SLC9A9: variants seen among roughly 807,000 people sequenced by gnomAD.
The protein encoded by SLC9A9 is sodium/hydrogen exchanger 9.
SLC9A9 carries 62 observed loss-of-function variants against 77.8 expected under a neutral mutation model. The observed-to-expected ratio is 0.80, with a 90% CI of 0.65 to 0.98. The LOEUF (loss-of-function observed/expected upper bound fraction) is 0.98, where lower values mean the gene tolerates loss of function less well. SLC9A9 is among the 50% of genes least tolerant of loss of function. The probability of loss-of-function intolerance (pLI) is 0.00; values close to 1 mark genes in which losing one functional copy is unlikely to be tolerated. For synonymous variants in SLC9A9, 320 were observed against 283.5 expected, an observed-to-expected ratio of 1.13 and a Z score of -1.29; for missense variants, 775 against 774.9, an observed-to-expected ratio of 1.00 and a Z score of 0.00.
intron 12 of SLC9A9, among the ~76,000 whole-genome samples, chr3:143,425,847 C>A (rs1169009384): frequency 1.3e-5 from 2 of 152,126 alleles, no homozygotes; most frequent in Non-Finnish European, 2.9e-5. Flanking sequence ...GCTAACATGA[C>A]AAGATATGCT....
intron 14 of SLC9A9, among the ~76,000 whole-genome samples, chr3:143,351,854 C>T (rs540724186): frequency 9.9e-4 from 150 of 152,148 alleles, no homozygotes; most frequent in Non-Finnish European, 1.6e-3. Flanking sequence ...TGCAAAGTGC[C>T]TGTACAATTA....
At chr3:143,725,256 G>A (rs1049090744) in intron 4 of SLC9A9, among the ~76,000 whole-genome samples, 2 of 152,120 alleles carry the variant, frequency 1.3e-5, no homozygotes, top group Non-Finnish European at 2.9e-5. Flanking sequence ...GAAAGGATGT[G>A]GAGAAATAGG....
In SLC9A9 at chr3:143,574,199, G is replaced by A. The variant is rs1305617953; in HGVS notation, c.895-6C>T. On this transcript the variant is annotated splice_region_variant and splice_polypyrimidine_tract_variant and intron_variant, in intron 7 of 15. Transcript: ENST00000316549. ...AGCTTGGTAAATTTGGTCAAGTGAG[G>A]AAGATAAGTTAAGGGAAACAACAAC... 1 of 1,610,172 alleles carries A rather than the reference G, an allele frequency of 6.2e-7. No individual in the cohort carries two copies. Among genetic ancestry groups the A allele is most frequent in the Admixed American group, 1.7e-5 (1 of 59,936 alleles).
At chr3:143,512,626 C>G (rs2036135057) in intron 9 of SLC9A9, among the ~76,000 whole-genome samples, 1 of 152,178 alleles carries the variant, frequency 6.6e-6, no homozygotes, top group Admixed American at 6.5e-5. Flanking sequence ...GCCTGTAATC[C>G]CAGCACTTTG....
At chr3:143,452,017 C>CTTG in intron 12 of SLC9A9, among the ~76,000 whole-genome samples, 1 of 151,806 alleles carries the variant, frequency 6.6e-6, no homozygotes, top group African/African-American at 2.4e-5. Flanking sequence ...ATTTGAGTAA[C>CTTG]ATAATCAAGA....
intron 9 of SLC9A9, among the ~76,000 whole-genome samples, chr3:143,516,371 G>C (rs1325003313): frequency 6.6e-6 from 1 of 150,938 alleles, no homozygotes; most frequent in Non-Finnish European, 1.5e-5. Context: ...TTTATTTTTT[G>C]CTAAATTCTG....
intron 14 of SLC9A9, among the ~76,000 whole-genome samples, chr3:143,313,638 CAT>C (rs2108439588): frequency 6.6e-6 from 1 of 152,356 alleles, no homozygotes; most frequent in South Asian, 2.1e-4. Flanking sequence ...TTCCATTCTG[CAT>C]ATAGAAATAC....
intron 14 of SLC9A9, among the ~76,000 whole-genome samples, chr3:143,296,426 T>C (rs1479118160): frequency 6.6e-6 from 1 of 152,232 alleles, no homozygotes; most frequent in Non-Finnish European, 1.5e-5. Context: ...TAATATTGCA[T>C]TGTATGTATA....
intron 12 of SLC9A9, among the ~76,000 whole-genome samples, chr3:143,412,610 G>T (rs945750494): frequency 6.6e-6 from 1 of 152,106 alleles, no homozygotes; most frequent in Non-Finnish European, 1.5e-5. Flanking sequence ...CCCTGTCTCT[G>T]ACTTTTGGAA....
intron 6 of SLC9A9, 149 bp from the exon 7 acceptor site, chr3:143,578,872 A>G: frequency 1.1e-6 from 1 of 929,106 alleles, no homozygotes; most frequent in Non-Finnish European, 1.7e-6. Context: ...AGAAGGGGAG[A>G]GTTGGAGAAT....
chr3:143,313,143 C>CCTA (rs2031082878), intron 14 of SLC9A9: 1 of 152,192 alleles, frequency 6.6e-6, no homozygotes, highest in African/African-American at 2.4e-5. Context: ...TCAAATTAAC[C>CCTA]CTCATGGAGT....
chr3:143,633,732 C>T (rs1214362338), intron 6 of SLC9A9, among the ~76,000 whole-genome samples: 2 of 152,124 alleles, frequency 1.3e-5, no homozygotes, highest in Non-Finnish European at 2.9e-5. Context: ...CACACAAGAT[C>T]TATAAAATAC....
At chr3:143,671,035 C>T (rs964431661) in intron 5 of SLC9A9, among the ~76,000 whole-genome samples, 3 of 152,148 alleles carry the variant, frequency 2.0e-5, no homozygotes, top group Non-Finnish European at 2.9e-5. Flanking sequence ...CTGCCACTTA[C>T]GAGCCTTGTA....
chr3:143,827,895 C>T (rs1005533512), intron 2 of SLC9A9, among the ~76,000 whole-genome samples: 2 of 152,196 alleles, frequency 1.3e-5, no homozygotes, highest in East Asian at 1.9e-4. Flanking sequence ...TCTGCTGAGC[C>T]GGACTTCTTC....
rs111333841 is a variant in SLC9A9 at position 143,841,017 on chromosome 3, C to T, written c.175+7131G>A. On this transcript the variant is annotated intron_variant, in intron 1 of 15. Coordinates refer to ENST00000316549, the MANE Select transcript of SLC9A9 (RefSeq NM_173653.4). ...TAAGGTACCATCATCTGGCACGGAG[C>T]GAACAGTTAATTAAAAAACAGCAAT... Among the ~76,000 whole-genome samples, 908 of 152,118 alleles carry T rather than the reference C, an allele frequency of 6.0e-3. 5 individuals are homozygous for T. Among genetic ancestry groups the T allele is most frequent in the African/African-American group, 0.02 (839 of 41,510 alleles).
intron 8 of SLC9A9, among the ~76,000 whole-genome samples, chr3:143,572,322 T>TGCGC (rs4025526): frequency 2.7e-5 from 4 of 148,874 alleles, no homozygotes; most frequent in Admixed American, 2.0e-4. Flanking sequence ...TGTGTGTGTG[T>TGCGC]GCGCGTGTGT....
At chr3:143,794,068 T>A (rs185337713) in intron 4 of SLC9A9, among the ~76,000 whole-genome samples, 11 of 152,280 alleles carry the variant, frequency 7.2e-5, no homozygotes, top group Admixed American at 2.6e-4. Context: ...CAAAAGAAAT[T>A]TAGCAGTGCA....
intron 8 of SLC9A9, among the ~76,000 whole-genome samples, chr3:143,570,625 G>A (rs2037241595): frequency 6.6e-6 from 1 of 152,060 alleles, no homozygotes; most frequent in Non-Finnish European, 1.5e-5. Context: ...ATATGATGGA[G>A]TATTCAATGT....
chr3:143,419,299 A>G (rs2034254165), intron 12 of SLC9A9, among the ~76,000 whole-genome samples: 1 of 152,096 alleles, frequency 6.6e-6, no homozygotes, highest in Admixed American at 6.6e-5. Flanking sequence ...CCCATTTTGC[A>G]GGGGGGGCAC....
Sources: gnomAD v4.1 joint callset for allele counts (sites outside exome capture counted in the v4.1 genomes callset) on GRCh38, gnomAD v4.1.1 for gene constraint, MANE v1.5 for transcripts, NCBI Gene and HGNC (gene_info 2026-07-23, HGNC 2026-07-21) for gene names.